DMRT1: variants seen among roughly 807,000 people sequenced by gnomAD.
DMRT1 encodes doublesex- and mab-3-related transcription factor 1.
DMRT1 carries 7 observed loss-of-function variants against 32.3 expected under a neutral mutation model. That is an observed-to-expected ratio of 0.22 (90% CI 0.12 to 0.41). The LOEUF (loss-of-function observed/expected upper bound fraction) is 0.41. DMRT1 is among the 10% of genes least tolerant of loss of function. The probability of loss-of-function intolerance (pLI) is 1.00; values close to 1 mark genes in which losing one functional copy is unlikely to be tolerated. For synonymous variants in DMRT1, 278 were observed against 206.1 expected, an observed-to-expected ratio of 1.35 and a Z score of -2.99; for missense variants, 625 against 500.5, an observed-to-expected ratio of 1.25 and a Z score of -2.37.
chr9:855,777 C>A (rs762271995), intron 2 of DMRT1, among the ~76,000 whole-genome samples: 1 of 152,164 alleles, frequency 6.6e-6, no homozygotes, highest in Non-Finnish European at 1.5e-5. Flanking sequence ...GCCACCACTC[C>A]TGGCTCATTT....
intron 2 of DMRT1, among the ~76,000 whole-genome samples, chr9:862,751 A>T (rs1041475513): frequency 6.6e-6 from 1 of 151,774 alleles, no homozygotes; most frequent in South Asian, 2.1e-4. Context: ...GGTGTTGTCA[A>T]TGGTATTCCC....
At chr9:858,873 ATATAT>A (rs1815526991) in intron 2 of DMRT1, among the ~76,000 whole-genome samples, 12 of 31,364 alleles carry the variant, frequency 3.8e-4, no homozygotes, top group African/African-American at 1.1e-3. Flanking sequence ...AAAAAAAAAT[ATATAT>A]ATATATATAT....
intron 4 of DMRT1, among the ~76,000 whole-genome samples, chr9:955,315 G>C (rs1197750643): frequency 6.6e-6 from 1 of 152,170 alleles, no homozygotes; most frequent in Non-Finnish European, 1.5e-5. Context: ...TAGCCAGTTT[G>C]CCAGCATTAC....
intron 4 of DMRT1, among the ~76,000 whole-genome samples, chr9:949,186 A>C (rs1006378148): frequency 6.6e-6 from 1 of 152,112 alleles, no homozygotes. Flanking sequence ...CAGCCTGGGC[A>C]ACAAAGCCTT....
chr9:857,168 G>A (rs148841188), intron 2 of DMRT1, among the ~76,000 whole-genome samples: 2 of 151,982 alleles, frequency 1.3e-5, no homozygotes, highest in African/African-American at 4.8e-5. Context: ...TTAGCCAGGC[G>A]TGGTGGCACA....
chr9:936,473 C>A (rs10977629), intron 4 of DMRT1, among the ~76,000 whole-genome samples: 3 of 151,986 alleles, frequency 2.0e-5, no homozygotes, highest in African/African-American at 7.3e-5. Context: ...TTCTTCAGGC[C>A]GGGTGTGGTG....
intron 4 of DMRT1, among the ~76,000 whole-genome samples, chr9:929,842 A>T (rs1818650942): frequency 6.6e-6 from 1 of 152,128 alleles, no homozygotes; most frequent in Non-Finnish European, 1.5e-5. Context: ...AAATTCATTG[A>T]GTGCCAGTTA....
intron 4 of DMRT1, among the ~76,000 whole-genome samples, chr9:923,656 G>A (rs1343201167): frequency 2.0e-5 from 3 of 152,178 alleles, no homozygotes; most frequent in Non-Finnish European, 4.4e-5. Flanking sequence ...GAGCTTGGCT[G>A]GCACGAAGGA....
chr9:909,485 G>C (rs1282840556), intron 3 of DMRT1, among the ~76,000 whole-genome samples: 1 of 152,068 alleles, frequency 6.6e-6, no homozygotes, highest in South Asian at 2.1e-4. Context: ...ATCCCATTTA[G>C]ATGGTTCGAA....
intron 3 of DMRT1, among the ~76,000 whole-genome samples, chr9:905,272 G>C (rs189636205): frequency 6.6e-6 from 1 of 152,244 alleles, no homozygotes; most frequent in Admixed American, 6.5e-5. Context: ...TCCTGGAAGG[G>C]GTGTTCATAC....
At chr9:863,482 G>T (rs1448415250) in intron 2 of DMRT1, among the ~76,000 whole-genome samples, 1 of 152,170 alleles carries the variant, frequency 6.6e-6, no homozygotes, top group Non-Finnish European at 1.5e-5. Context: ...CTCAGCCAAA[G>T]AATATGGGAG....
Position 916,846 on chromosome 9 carries a change from G to C in DMRT1, c.906G>C (p.Gln302His), listed in dbSNP as rs200069202. 64 of 1,614,080 alleles carry C rather than the reference G, an allele frequency of 4.0e-5. No individual in the cohort carries two copies. The Middle Eastern group carries it at 4.9e-4, about 12-fold the overall frequency. The change falls in exon 4 of 5, where the codon CAG becomes CAC. Residue 302 changes from glutamine to histidine, a missense_variant. By Grantham distance (24) the Gln-to-His change is conservative. This residue lies in a region of DMRT1 where 416 missense variants were observed against 321.6 expected (regional missense o/e 1.29). Coordinates refer to ENST00000382276, the MANE Select transcript of DMRT1 (RefSeq NM_021951.3). Reference sequence around the variant, plus strand: ...ACCCGCCTCCCTCTTACCTGGGCCAGAGCGTGCCCCAGTTCTTCACTTTTG... The same window carrying C: ...ACCCGCCTCCCTCTTACCTGGGCCACAGCGTGCCCCAGTTCTTCACTTTTG... ...SYYPPPSYLG[Q>H]SVPQFFTFED...
At chr9:856,851 C>G (rs751027667) in intron 2 of DMRT1, among the ~76,000 whole-genome samples, 2 of 152,108 alleles carry the variant, frequency 1.3e-5, no homozygotes, top group African/African-American at 4.8e-5. Context: ...ACATTCCTAC[C>G]GACAGTCTAT....
chr9:913,878 G>A (rs1309008226), intron 3 of DMRT1, among the ~76,000 whole-genome samples: 1 of 140,846 alleles, frequency 7.1e-6, no homozygotes, highest in African/African-American at 2.7e-5. Flanking sequence ...GGGCAACAGA[G>A]TGAGACTCGG....
At position 842,230 on chromosome 9, in the gene DMRT1, G is replaced by GTTTTTTTTTTTTTTTTTTTTTTTTTTT. The variant is rs780064237; in HGVS notation, c.354+61_354+62insTTTTTTTTTTTTTTTTTTTTTTTTTTT. ...GTGCGGGAGCCCGGGTTCAGCCTTA[G>GTTTTTTTTTTTTTTTTTTTTTTTTTTT]TTTTTTTTTTTTTTTTTTTTTTTAG... On this transcript the variant is annotated intron_variant, in intron 1 of 4. Coordinates refer to ENST00000382276, the MANE Select transcript of DMRT1 (RefSeq NM_021951.3). 4 of 965,718 alleles carry GTTTTTTTTTTTTTTTTTTTTTTTTTTT rather than the reference G, an allele frequency of 4.1e-6. No individual in the cohort carries two copies. In the African/African-American group the frequency reaches 9.7e-5, roughly 24 times the overall value. 59.8% of individuals were successfully genotyped at this position (965,718 alleles called of 1,614,324 possible). A position where few individuals can be genotyped will look rare whatever the true frequency, so the allele number is the denominator to read the frequency against.
chr9:845,639 C>A (rs1174725355), intron 1 of DMRT1, among the ~76,000 whole-genome samples: 1 of 152,142 alleles, frequency 6.6e-6, no homozygotes, highest in East Asian at 1.9e-4. Context: ...CTGTCTTCTC[C>A]CTTCCTCCCT....
chr9:856,974 G>C (rs778038588), intron 2 of DMRT1, among the ~76,000 whole-genome samples: 1 of 152,192 alleles, frequency 6.6e-6, no homozygotes, highest in African/African-American at 2.4e-5. Flanking sequence ...GACAAGTTTA[G>C]ATTATGAAGG....
chr9:867,830 T>C (rs1816059935), intron 2 of DMRT1, among the ~76,000 whole-genome samples: 1 of 152,250 alleles, frequency 6.6e-6, no homozygotes, highest in African/African-American at 2.4e-5. Context: ...TCTTTTTCTC[T>C]TATTTTCCTT....
intron 3 of DMRT1, among the ~76,000 whole-genome samples, chr9:909,221 G>A (rs182012559): frequency 9.3e-4 from 141 of 152,262 alleles, no homozygotes; most frequent in African/African-American, 3.2e-3. Context: ...TTCGCTGTGG[G>A]AATCTGCTTG....
Sources: allele counts gnomAD v4.1 joint callset (sites outside exome capture counted in the v4.1 genomes callset), GRCh38; gene constraint gnomAD v4.1.1; regional missense constraint gnomAD v4.1.1; transcripts MANE v1.5; gene names NCBI Gene and HGNC (gene_info 2026-07-23, HGNC 2026-07-21).